The following ASH1L variants were observed in gnomAD, a reference collection of about 807,000 sequenced individuals.
ASH1L encodes the protein ASH1 like histone lysine methyltransferase.
A neutral mutation model predicts 269.0 loss-of-function variants in ASH1L; 23 were observed. That is an observed-to-expected ratio of 0.09 (90% CI 0.06 to 0.12). The LOEUF is 0.12. Among genes scored for constraint, ASH1L ranks in the 10% least tolerant of loss-of-function variants. The pLI, the probability that ASH1L is intolerant of heterozygous loss-of-function variation, is 1.00. For synonymous variants in ASH1L, 1,187 were observed against 1,253.5 expected, an observed-to-expected ratio of 0.95 and a Z score of 1.12; for missense variants, 2,912 against 3,567.8, an observed-to-expected ratio of 0.82 and a Z score of 4.68.
chr1:155,455,117 C>T (rs1663782266), intron 4 of ASH1L, among the ~76,000 whole-genome samples: 1 of 151,820 alleles, frequency 6.6e-6, no homozygotes, highest in Non-Finnish European at 1.5e-5. Context: ...ATGTCAAATA[C>T]CTGAGAAATG....
At chr1:155,468,233 T>TA (rs201413335) in intron 3 of ASH1L, among the ~76,000 whole-genome samples, 3,001 of 150,570 alleles carry the variant, frequency 0.02, 88 homozygotes, top group African/African-American at 0.068. Context: ...TTATTATTAT[T>TA]TTTTTTTTCT....
chr1:155,521,438 T>C lies in ASH1L; in HGVS notation c.82A>G (p.Thr28Ala), dbSNP rs1441034932. The change falls in exon 2 of 28, where the codon ACT becomes GCT. Residue 28 changes from threonine to alanine, a missense_variant. By Grantham distance (58) the Thr-to-Ala change is moderately conservative. Coordinates refer to ENST00000392403, the MANE Select transcript of ASH1L (RefSeq NM_018489.3). Reference sequence around the variant, plus strand: ...TCTCTCTTACTGACCAATGTGCCAGTACTGATGGCAGAAGGACTCTTTCTT... The same window carrying C: ...TCTCTCTTACTGACCAATGTGCCAGCACTGATGGCAGAAGGACTCTTTCTT... ...FSRKSPSAIS[T>A]GTLVSKREVE... 11 of 1,613,898 alleles carry C rather than the reference T, an allele frequency of 6.8e-6. No homozygotes were observed. Among genetic ancestry groups the C allele is most frequent in the Middle Eastern group, 1.6e-4 (1 of 6,084 alleles).
chr1:155,450,780 C>CA lies in ASH1L; in HGVS notation c.5086+9016dup, dbSNP rs576210710. Among the ~76,000 whole-genome samples the CA allele has an allele frequency of 7.2e-5, 11 of 152,186 alleles. No individual in the cohort carries two copies. In the South Asian group the frequency reaches 2.3e-3, roughly 32 times the overall value. ...CATAGCAGTATTATTCACAAATGGCCAAGGTTGGTAGCAACCCAAGTAACC... is the reference window on the plus strand; with the variant it reads ...CATAGCAGTATTATTCACAAATGGCCAAAGGTTGGTAGCAACCCAAGTAACC... On this transcript the variant is annotated intron_variant, in intron 4 of 27. Coordinates refer to ENST00000392403, the MANE Select transcript of ASH1L (RefSeq NM_018489.3).
At chr1:155,419,915 A>C (rs1169977747) in intron 5 of ASH1L, among the ~76,000 whole-genome samples, 3 of 152,240 alleles carry the variant, frequency 2.0e-5, no homozygotes, top group East Asian at 1.9e-4. Context: ...AAAGTACTAC[A>C]ATTAGTGAAA....
At position 155,541,530 on chromosome 1, in the gene ASH1L, C is replaced by T. The variant is rs1329115294; in HGVS notation, c.-99-19912G>A. On this transcript the variant is annotated intron_variant, in intron 1 of 27. Coordinates refer to ENST00000392403, the MANE Select transcript of ASH1L (RefSeq NM_018489.3). ...TAGAATAGCTTCATGAAGTTACCAACAAAATTGGAAGCAATTTCTACAATA... is the reference window on the plus strand; with the variant it reads ...TAGAATAGCTTCATGAAGTTACCAATAAAATTGGAAGCAATTTCTACAATA... Among the ~76,000 whole-genome samples the T allele has an allele frequency of 2.0e-5, 3 of 151,972 alleles. No homozygotes were observed. The South Asian group carries it at 6.2e-4, about 32-fold the overall frequency.
At chr1:155,473,764 T>A (rs1665304235) in intron 3 of ASH1L, among the ~76,000 whole-genome samples, 1 of 152,254 alleles carries the variant, frequency 6.6e-6, no homozygotes, top group East Asian at 1.9e-4. Context: ...CCTCTCAAAG[T>A]GTTGAGATTA....
At chr1:155,484,789 C>T (rs1432407325) in intron 2 of ASH1L, among the ~76,000 whole-genome samples, 1 of 150,354 alleles carries the variant, frequency 6.7e-6, no homozygotes, top group East Asian at 2.0e-4. Context: ...ATCAGCCGGA[C>T]GTGGTGGCGG....
rs776271484 is a variant in ASH1L at position 155,479,493 on chromosome 1, C to T, written c.3377G>A (p.Gly1126Asp). 6.2e-7 allele frequency: 1 copy of T among 1,614,016 alleles called. No individual in the cohort carries two copies. Among genetic ancestry groups the T allele is most frequent in the Non-Finnish European group, 8.5e-7 (1 of 1,180,020 alleles). ...GGQSPVSSDA[G>D]FVEPSSVPYL... ...TGGCACTGAACTGGGTTCAACAAAACCTGCATCACTACTTACAGGGCTCTG... is the reference window on the plus strand; with the variant it reads ...TGGCACTGAACTGGGTTCAACAAAATCTGCATCACTACTTACAGGGCTCTG... The change falls in exon 3 of 28, where the codon GGT (glycine) becomes GAT (aspartate). Residue 1126 changes from glycine to aspartate, a missense_variant. Around this residue, in one of 13 missense-constraint regions of ASH1L, gnomAD observed 157 missense variants for 154.6 expected, o/e 1.02. Coordinates refer to ENST00000392403, the MANE Select transcript of ASH1L (RefSeq NM_018489.3).
Position 155,484,947 on chromosome 1 carries a change from A to C in ASH1L, c.421-2498T>G, listed in dbSNP as rs1169764116. 2.8e-5 allele frequency among the ~76,000 whole-genome samples: 4 copies of C among 142,266 alleles called. 1 individual carries two copies. The highest frequency in any genetic ancestry group is 2.8e-4 in the Admixed American group (4 of 14,390). The allele number at this position is 142,266 out of a possible 152,430, so 93.3% of individuals were successfully genotyped here. The stretch of plus-strand genomic sequence containing the variant: ...CTGTCTCAAAAAAAAAAAAAAACAA[A>C]AACAAAAACAAAAACAAAAACCAAC... On this transcript the variant is annotated intron_variant, in intron 2 of 27. Coordinates refer to ENST00000392403, the MANE Select transcript of ASH1L (RefSeq NM_018489.3).
intron 5 of ASH1L, among the ~76,000 whole-genome samples, chr1:155,421,251 AAAG>A (rs1660650135): frequency 6.6e-6 from 1 of 150,774 alleles, no homozygotes; most frequent in African/African-American, 2.4e-5. Flanking sequence ...AAAAAAAAAA[AAAG>A]TTGGTGATTG....
intron 1 of ASH1L, among the ~76,000 whole-genome samples, chr1:155,558,559 A>G (rs778504503): frequency 6.6e-6 from 1 of 152,118 alleles, no homozygotes; most frequent in Non-Finnish European, 1.5e-5. Context: ...TCCTTTTTTT[A>G]AAGAGACAGT....
chr1:155,562,441 G>GCGT lies in ASH1L; in HGVS notation c.-389_-388insACG, dbSNP rs1336516790. The GCGT allele has an allele frequency of 1.4e-5, 20 of 1,470,400 alleles. No individual in the cohort carries two copies. The highest frequency in any genetic ancestry group is 1.8e-5 in the Non-Finnish European group (19 of 1,085,438). 91.1% of individuals were successfully genotyped at this position (1,470,400 alleles called of 1,614,324 possible). A position where few individuals can be genotyped will look rare whatever the true frequency, so the allele number is the denominator to read the frequency against. ...GGCGGCGGGAGCGGCGGCGGCGGCGGCGGCAGCAGCAGAGTGGCGGCGGTG... is the reference window on the plus strand; with the variant it reads ...GGCGGCGGGAGCGGCGGCGGCGGCGGCGTCGGCAGCAGCAGAGTGGCGGCGGTG... On this transcript the variant is annotated 5_prime_UTR_variant, in exon 1 of 28. Transcript: ENST00000392403.
intron 2 of ASH1L, among the ~76,000 whole-genome samples, chr1:155,494,612 T>C (rs1251728235): frequency 7.9e-5 from 12 of 152,208 alleles, no homozygotes; most frequent in Non-Finnish European, 4.4e-5. Context: ...TAGGTTATGC[T>C]GCGATGATCA....
intron 5 of ASH1L, 60 bp from the exon 6 acceptor site, chr1:155,415,983 T>G: frequency 7.4e-7 from 1 of 1,354,018 alleles, no homozygotes; most frequent in Non-Finnish European, 9.8e-7. Flanking sequence ...TACAAATAAT[T>G]GTCTACTTAA....
intron 10 of ASH1L, among the ~76,000 whole-genome samples, chr1:155,375,239 C>T (rs1656333307): frequency 6.6e-6 from 1 of 152,108 alleles, no homozygotes; most frequent in South Asian, 2.1e-4. Context: ...AAGATTTCTT[C>T]CAGGGAACAA....
chr1:155,505,250 C>G (rs554889833), intron 2 of ASH1L, among the ~76,000 whole-genome samples: 2 of 152,174 alleles, frequency 1.3e-5, no homozygotes, highest in Non-Finnish European at 2.9e-5. Flanking sequence ...GTCCCAAAAG[C>G]CTTTCTCTTT....
In ASH1L at chr1:155,343,817, C is replaced by G. The variant is rs1008505587; in HGVS notation, c.7982-75G>C. The G allele has an allele frequency of 5.2e-6, 8 of 1,543,076 alleles. No homozygotes were observed. In the Admixed American group the frequency reaches 1.1e-4, roughly 21 times the overall value. On this transcript the variant is annotated intron_variant, in intron 22 of 27. Transcript: ENST00000392403. This position sits in a 1 kb window ranked among gnomAD's most constrained non-coding sequence, Gnocchi z 6.1. ...TTCTGTTAGGCATCTGTTTATCTGA[C>G]TCAGGGTCTACATAGAACTCATAAT...
chr1:155,398,497 C>T (rs73008989), intron 6 of ASH1L, among the ~76,000 whole-genome samples: 296 of 152,070 alleles, frequency 1.9e-3, no homozygotes, highest in African/African-American at 6.6e-3. Flanking sequence ...AGTAAAAATA[C>T]GGTTGTAAAA....
intron 4 of ASH1L, among the ~76,000 whole-genome samples, chr1:155,451,727 A>AG (rs1663489986): frequency 2.6e-5 from 4 of 151,948 alleles, no homozygotes; most frequent in Admixed American, 2.6e-4. Flanking sequence ...AAAAAAAAAA[A>AG]GAAAAGAAAA....
Sources: allele counts gnomAD v4.1 joint callset (sites outside exome capture counted in the v4.1 genomes callset), GRCh38; gene constraint gnomAD v4.1.1; regional missense constraint gnomAD v4.1.1; non-coding constraint Gnocchi (gnomAD v3.1); transcripts MANE v1.5; gene names NCBI Gene and HGNC (gene_info 2026-07-23, HGNC 2026-07-21).